HIRA: variants seen among roughly 807,000 people sequenced by gnomAD.
The protein encoded by HIRA is histone cell cycle regulator.
In HIRA, 13 loss-of-function variants were observed where a neutral mutation model predicts 126.6. The ratio of observed to expected loss-of-function variants is 0.10; its 90% CI spans 0.07 to 0.16. The LOEUF is 0.16. Among genes scored for constraint, HIRA ranks in the 10% least tolerant of loss-of-function variants. The probability of loss-of-function intolerance (pLI) is 1.00; values close to 1 mark genes in which losing one functional copy is unlikely to be tolerated. For synonymous variants in HIRA, 511 were observed against 520.0 expected, an observed-to-expected ratio of 0.98 and a Z score of 0.24; for missense variants, 834 against 1,314.4, an observed-to-expected ratio of 0.63 and a Z score of 5.65.
At chr22:19,395,752 G>C (rs767822412) in intron 7 of HIRA, among the ~76,000 whole-genome samples, 2 of 152,118 alleles carry the variant, frequency 1.3e-5, no homozygotes, top group African/African-American at 2.4e-5. Context: ...GCAACTAATG[G>C]GAATGCCTGT....
In HIRA at chr22:19,420,462, CAAAAAAAAA is replaced by C. The variant is rs760003741; in HGVS notation, c.38-9693_38-9685del. Among the ~76,000 whole-genome samples the C allele has an allele frequency of 3.1e-5, 2 of 63,594 alleles. 1 individual carries two copies. Among genetic ancestry groups the C allele is most frequent in the Non-Finnish European group, 6.4e-5 (2 of 31,048 alleles). The allele number at this position is 63,594 out of a possible 152,430, so 41.7% of individuals were successfully genotyped here. A position where few individuals can be genotyped will look rare whatever the true frequency, so the allele number is the denominator to read the frequency against. The stretch of plus-strand genomic sequence containing the variant: ...GCCTGGGCAACAAAAAAAACTGTCT[CAAAAAAAAA>C]AAAAAAAAAACCAAACCAAAACAAA... On this transcript the variant is annotated intron_variant, in intron 1 of 24. Coordinates refer to ENST00000263208, the MANE Select transcript of HIRA (RefSeq NM_003325.4).
intron 24 of HIRA, among the ~76,000 whole-genome samples, chr22:19,349,075 C>T (rs893165743): frequency 7.4e-5 from 11 of 149,512 alleles, no homozygotes; most frequent in South Asian, 2.1e-4. Flanking sequence ...TGAGCCACCA[C>T]GCCTGGCCTG....
intron 11 of HIRA, among the ~76,000 whole-genome samples, chr22:19,387,042 G>A (rs147880084): frequency 0.037 from 5,605 of 152,272 alleles, 154 homozygotes; most frequent in Non-Finnish European, 0.056. Flanking sequence ...CACCAAGTGG[G>A]GGCAGGTTTC....
At chr22:19,336,737 A>G (rs2088571038) in intron 24 of HIRA, among the ~76,000 whole-genome samples, 1 of 152,220 alleles carries the variant, frequency 6.6e-6, no homozygotes, top group African/African-American at 2.4e-5. Flanking sequence ...GTTCCCCAGC[A>G]TGGGCCCAGA....
At chr22:19,394,614 G>A (rs1330245197) in intron 7 of HIRA, 105 bp from the exon 8 acceptor site, 6 of 1,153,918 alleles carry the variant, frequency 5.2e-6, no homozygotes, top group Non-Finnish European at 6.1e-6. Flanking sequence ...GTGTGATGGT[G>A]GAGCATGCAC....
intron 15 of HIRA, among the ~76,000 whole-genome samples, chr22:19,372,574 T>A (rs866952945): frequency 1.3e-4 from 19 of 150,446 alleles, no homozygotes; most frequent in Non-Finnish European, 2.7e-4. Flanking sequence ...GCTTTTAATT[T>A]TTTTTTTTTT....
intron 1 of HIRA, among the ~76,000 whole-genome samples, chr22:19,412,844 T>C (rs1381337707): frequency 6.6e-6 from 1 of 152,242 alleles, no homozygotes; most frequent in African/African-American, 2.4e-5. Context: ...TTCTACTATG[T>C]GCCAGGCATT....
chr22:19,405,633 G>A, intron 5 of HIRA, 153 bp downstream of exon 5: 2 of 601,582 alleles, frequency 3.3e-6, no homozygotes, highest in Non-Finnish European at 4.2e-6. Flanking sequence ...AGATCTTAAG[G>A]GACAGGCAGG....
chr22:19,334,880 T>C (rs1226013628), intron 24 of HIRA, among the ~76,000 whole-genome samples: 1 of 152,196 alleles, frequency 6.6e-6, no homozygotes, highest in Non-Finnish European at 1.5e-5. Flanking sequence ...CCATCCTATG[T>C]ATGTTTTTCT....
chr22:19,339,999 G>A (rs1785457368), intron 24 of HIRA, among the ~76,000 whole-genome samples: 1 of 152,094 alleles, frequency 6.6e-6, no homozygotes. Flanking sequence ...AGAGAAAGAG[G>A]GAATCTCCCT....
At chr22:19,341,669 T>C (rs782783078) in intron 24 of HIRA, among the ~76,000 whole-genome samples, 1 of 152,002 alleles carries the variant, frequency 6.6e-6, no homozygotes, top group Non-Finnish European at 1.5e-5. Flanking sequence ...CAACAGATCT[T>C]CAACAAAGCA....
At position 19,400,766 on chromosome 22, in the gene HIRA, G is replaced by C. The variant is rs193064397; in HGVS notation, c.398-2679C>G. ...GAGGATGATTCTTCTAACACTCCAGGCTCTTGGTTCCTTAAATTCCTCCTT... is the reference window on the plus strand; with the variant it reads ...GAGGATGATTCTTCTAACACTCCAGCCTCTTGGTTCCTTAAATTCCTCCTT... On this transcript the variant is annotated intron_variant, in intron 5 of 24. Coordinates refer to ENST00000263208, the MANE Select transcript of HIRA (RefSeq NM_003325.4). Among the ~76,000 whole-genome samples, 18 of 152,122 alleles carry C rather than the reference G, an allele frequency of 1.2e-4. No homozygotes were observed. The East Asian group carries it at 3.1e-3, about 26-fold the overall frequency.
At chr22:19,383,949 T>C (rs958818000) in intron 12 of HIRA, among the ~76,000 whole-genome samples, 1 of 152,058 alleles carries the variant, frequency 6.6e-6, no homozygotes, top group Non-Finnish European at 1.5e-5. Flanking sequence ...ATAACTCCCA[T>C]TTTCCTCTGA....
chr22:19,356,009 G>A, intron 20 of HIRA, 144 bp from the exon 21 acceptor site: 4 of 719,792 alleles, frequency 5.6e-6, no homozygotes, highest in South Asian at 5.2e-5. Context: ...GGGAGGGCAA[G>A]CCATTCTCCT....
chr22:19,351,467 A>AAAC lies in HIRA; in HGVS notation c.2849-24_2849-22dup, dbSNP rs782205302. On this transcript the variant is annotated intron_variant, in intron 23 of 24. Coordinates refer to ENST00000263208, the MANE Select transcript of HIRA (RefSeq NM_003325.4). This position sits in a 1 kb window ranked among gnomAD's most constrained non-coding sequence, Gnocchi z 4.8. Reference sequence around the variant, plus strand: ...AAACCCTAATTACAGAAAAACAAACAAACAACAACAACAAAAAACAAAACA... The same window carrying AAAC: ...AAACCCTAATTACAGAAAAACAAACAAACAACAACAACAACAAAAAACAAAACA... 1.2e-5 allele frequency: 18 copies of AAAC among 1,553,818 alleles called. No homozygotes were observed. Among genetic ancestry groups the AAAC allele is most frequent in the South Asian group, 4.6e-5 (4 of 87,622 alleles).
intron 10 of HIRA, 42 bp from the exon 11 acceptor site, chr22:19,387,858 A>G: frequency 6.9e-7 from 1 of 1,447,810 alleles, no homozygotes; most frequent in Non-Finnish European, 9.6e-7. Flanking sequence ...CAAGAGCCCC[A>G]GGCAGACACA....
intron 1 of HIRA, among the ~76,000 whole-genome samples, chr22:19,412,831 G>T (rs187465873): frequency 6.6e-6 from 1 of 152,286 alleles, no homozygotes; most frequent in African/African-American, 2.4e-5. Flanking sequence ...TCTGTTTGCA[G>T]ATTTCTACTA....
intron 24 of HIRA, among the ~76,000 whole-genome samples, chr22:19,347,630 A>G (rs1261375693): frequency 1.3e-5 from 2 of 152,224 alleles, no homozygotes; most frequent in Non-Finnish European, 2.9e-5. Flanking sequence ...GAAGCTAGGC[A>G]GAACTTCTAC....
intron 5 of HIRA, among the ~76,000 whole-genome samples, chr22:19,405,092 A>T (rs2089297844): frequency 6.6e-6 from 1 of 152,210 alleles, no homozygotes; most frequent in Non-Finnish European, 1.5e-5. Context: ...ATACCTGACC[A>T]GCCTCACTTT....
Sources: allele counts gnomAD v4.1 joint callset (sites outside exome capture counted in the v4.1 genomes callset), GRCh38; gene constraint gnomAD v4.1.1; non-coding constraint Gnocchi (gnomAD v3.1); transcripts MANE v1.5; gene names NCBI Gene and HGNC (gene_info 2026-07-23, HGNC 2026-07-21).